Variants in MILR1 observed in about 807,000 individuals in gnomAD.
The protein encoded by MILR1 is allergin-1.
A neutral mutation model predicts 18.5 loss-of-function variants in MILR1; 31 were observed. That is an observed-to-expected ratio of 1.68 (90% CI 1.26 to 2.26). The LOEUF (loss-of-function observed/expected upper bound fraction) is 2.26, where lower values mean the gene tolerates loss of function less well. Ranked by LOEUF, MILR1 falls within the 30% of genes most tolerant of loss-of-function variation. MILR1 has a pLI of 0.00. For missense variants in MILR1, 257 were observed against 157.4 expected (o/e 1.63, Z -3.38); for synonymous variants, 85 against 56.2 (o/e 1.51, Z -2.30).
rs1252112332 is a variant in MILR1 at position 64,454,199 on chromosome 17, G to A, written c.367+1333G>A. Among the ~76,000 whole-genome samples the A allele has an allele frequency of 3.3e-5, 5 of 151,080 alleles. No homozygotes were observed. In the East Asian group the frequency reaches 9.8e-4, roughly 30 times the overall value. Reference sequence around the variant, plus strand: ...CCACCTCAGCCTCCCAAAGTGCTGGGATTACAGGCGTGTGCCACTGCTCCT... The same window carrying A: ...CCACCTCAGCCTCCCAAAGTGCTGGAATTACAGGCGTGTGCCACTGCTCCT... On this transcript the variant is annotated intron_variant, in intron 3 of 9. Coordinates refer to ENST00000619286, the MANE Select transcript of MILR1 (RefSeq NM_001085423.2).
chr17:64,470,015 A>G (rs1233979839), downstream of MILR1, among the ~76,000 whole-genome samples: 1 of 152,202 alleles, frequency 6.6e-6, no homozygotes, highest in Non-Finnish European at 1.5e-5. Flanking sequence ...GCTAACAGAT[A>G]CAGCGTTTCA....
In MILR1 at chr17:64,460,825, G is replaced by GA. The variant is rs2037414474; in HGVS notation, c.657dup (p.Asp220ArgfsTer42). 3 of 475,034 alleles carry GA rather than the reference G, an allele frequency of 6.3e-6. No individual in the cohort carries two copies. Among genetic ancestry groups the GA allele is most frequent in the Non-Finnish European group, 1.2e-5 (3 of 258,842 alleles). 29.4% of individuals were successfully genotyped at this position (475,034 alleles called of 1,614,324 possible). On this transcript the variant is annotated frameshift_variant, in exon 5 of 10. Coordinates refer to ENST00000619286, the MANE Select transcript of MILR1 (RefSeq NM_001085423.2). LOFTEE classifies it high-confidence loss of function. Reference sequence around the variant, plus strand: ...AATGGATGCGGTCTTCTTCCAGGCGGAGACAGCTGTCCTTTCTGTCTGAAG... The same window carrying GA: ...AATGGATGCGGTCTTCTTCCAGGCGGAAGACAGCTGTCCTTTCTGTCTGAAG...
rs2037328830 is a variant in MILR1, at chr17:64,457,567, G to T, written c.535G>T (p.Ala179Ser). The T allele has an allele frequency of 2.1e-6, 1 of 475,282 alleles. No individual in the cohort carries two copies. Among genetic ancestry groups the T allele is most frequent in the Non-Finnish European group, 3.9e-6 (1 of 259,074 alleles). The allele number at this position is 475,282 out of a possible 1,614,324, so 29.4% of individuals were successfully genotyped here. The change falls in exon 4 of 10, where the codon GCT becomes TCT. Residue 179 changes from alanine (A) to serine (S), a missense_variant. Coordinates refer to ENST00000619286, the MANE Select transcript of MILR1 (RefSeq NM_001085423.2). ...PAISKYDREP[A>S]EFNLTKKNPG... Reference sequence around the variant, plus strand: ...TATTTCCAAGTATGACAGGGAGCCTGCTGAATTTAACTTAACCAAGAAGAA... The same window carrying T: ...TATTTCCAAGTATGACAGGGAGCCTTCTGAATTTAACTTAACCAAGAAGAA...
the MILR1 span, chr17:64,477,864 C>G: frequency 6.2e-7 from 1 of 1,610,222 alleles, no homozygotes; most frequent in East Asian, 2.2e-5. Context: ...ATCAAAAAGT[C>G]TTTTAATTTG....
At chr17:64,458,604 T>G (rs1221581140) in intron 4 of MILR1, among the ~76,000 whole-genome samples, 2 of 151,888 alleles carry the variant, frequency 1.3e-5, no homozygotes, top group African/African-American at 2.4e-5. Flanking sequence ...TGCACCACCC[T>G]TGGCTCAGGG....
At position 64,466,983 on chromosome 17, in the gene MILR1, TTCTC is replaced by T. The variant is rs547459092; in HGVS notation, c.979+323_979+326del. ...TCCCTCCCTCTCTCTCTTTCTTTCT[TTCTC>T]TTTCTGTCTCTCTTTATTTTTTCTT... On this transcript the variant is annotated intron_variant, in intron 8 of 9. Transcript: ENST00000619286. 5.9e-5 allele frequency among the ~76,000 whole-genome samples: 9 copies of T among 152,068 alleles called. No individual in the cohort carries two copies. The South Asian group carries it at 1.7e-3, about 28-fold the overall frequency.
chr17:64,497,108 C>T, the MILR1 span: 2 of 854,546 alleles, frequency 2.3e-6, no homozygotes, highest in Non-Finnish European at 3.8e-6. Flanking sequence ...GGCCCCACCC[C>T]GGAAGCGCAT....
intron 4 of MILR1, among the ~76,000 whole-genome samples, 168 bp from the exon 5 acceptor site, chr17:64,460,654 T>C (rs2037410824): frequency 6.6e-6 from 1 of 152,134 alleles, no homozygotes; most frequent in Non-Finnish European, 1.5e-5. Context: ...TCAAGAACTT[T>C]ATTGACTAAT....
In MILR1 at chr17:64,466,609, A is replaced by G; in HGVS notation, c.926A>G (p.Gln309Arg). The change falls in exon 8 of 10, where the codon CAG becomes CGG. Residue 309 changes from glutamine (Q) to arginine (R), a missense_variant. By Grantham distance (43) the Gln-to-Arg change is conservative. Transcript: ENST00000619286. ...TTTTGCCCAGAGGCCAAACACTCCC[A>G]GGAGCTACAGTATGCCACCCCCGTG... ...STAQDEAKHSQELQYATPVFQ... is the reference protein window; with the variant it reads ...STAQDEAKHSRELQYATPVFQ... 6.2e-7 allele frequency: 1 copy of G among 1,611,404 alleles called. No homozygotes were observed. The highest frequency in any genetic ancestry group is 8.5e-7 in the Non-Finnish European group (1 of 1,178,768).
chr17:64,467,076 CTCT>C (rs2037587619), intron 8 of MILR1, among the ~76,000 whole-genome samples: 1 of 140,348 alleles, frequency 7.1e-6, no homozygotes, highest in Non-Finnish European at 1.6e-5. Context: ...CTCTCTCTCT[CTCT>C]TTCTTTTTCT....
chr17:64,495,033 C>T, the MILR1 span, among the ~76,000 whole-genome samples: 7 of 151,992 alleles, frequency 4.6e-5, no homozygotes, highest in African/African-American at 1.5e-4. Flanking sequence ...ATTAGCCAGG[C>T]GTGGTGGCAA....
chr17:64,493,259 T>C, the MILR1 span, among the ~76,000 whole-genome samples: 1 of 151,866 alleles, frequency 6.6e-6, no homozygotes, highest in Non-Finnish European at 1.5e-5. Flanking sequence ...TCTCTAAAAA[T>C]ATACAAAAAT....
At chr17:64,489,028 C>CTTTT in the MILR1 span, among the ~76,000 whole-genome samples, 4 of 136,474 alleles carry the variant, frequency 2.9e-5, no homozygotes, top group African/African-American at 5.3e-5. Flanking sequence ...TTTTCTTTTT[C>CTTTT]TTTTTTTTTT....
At chr17:64,488,101 C>T in the MILR1 span, among the ~76,000 whole-genome samples, 1 of 151,984 alleles carries the variant, frequency 6.6e-6, no homozygotes, top group South Asian at 2.1e-4. Flanking sequence ...CAGTGGTTTA[C>T]GCCTATAATC....
At chr17:64,477,112 T>C in the MILR1 span, among the ~76,000 whole-genome samples, 1 of 152,360 alleles carries the variant, frequency 6.6e-6, no homozygotes, top group African/African-American at 2.4e-5. Context: ...AGTTTAGTTT[T>C]AGGTTAATTT....
the MILR1 span, chr17:64,477,781 C>A: frequency 1.3e-6 from 2 of 1,511,768 alleles, no homozygotes; most frequent in Admixed American, 2.1e-5. Flanking sequence ...ATAAGACAAC[C>A]AAATTAGGAG....
chr17:64,482,244 C>T, the MILR1 span, among the ~76,000 whole-genome samples: 2 of 151,444 alleles, frequency 1.3e-5, no homozygotes, highest in Non-Finnish European at 2.9e-5. Flanking sequence ...GCTGGAATTA[C>T]AGGCACATAC....
At chr17:64,455,215 C>T (rs900788790) in intron 3 of MILR1, among the ~76,000 whole-genome samples, 29 of 152,280 alleles carry the variant, frequency 1.9e-4, no homozygotes, top group African/African-American at 7.0e-4. Context: ...TGTGCACGAC[C>T]TTCCTGCAAT....
At chr17:64,482,763 A>C in the MILR1 span, among the ~76,000 whole-genome samples, 1 of 152,244 alleles carries the variant, frequency 6.6e-6, no homozygotes, top group Admixed American at 6.5e-5. Flanking sequence ...TTGAGTTCAA[A>C]GGAAATGCTC....
Sources: gnomAD v4.1 joint callset for allele counts (sites outside exome capture counted in the v4.1 genomes callset) on GRCh38, gnomAD v4.1.1 for gene constraint, MANE v1.5 for transcripts, NCBI Gene and HGNC (gene_info 2026-07-23, HGNC 2026-07-21) for gene names.